TBC1D32: variants seen among roughly 807,000 people sequenced by gnomAD.
The protein encoded by TBC1D32 is protein broad-minded.
Under a neutral mutation model 170.3 loss-of-function variants are expected in TBC1D32, and 151 were observed. That is an observed-to-expected ratio of 0.89 (90% confidence interval 0.78 to 1.01). The LOEUF (loss-of-function observed/expected upper bound fraction) is 1.01, where lower values mean the gene tolerates loss of function less well. TBC1D32 is among the 50% of genes least tolerant of loss of function. TBC1D32 has a pLI of 0.00. For synonymous variants in TBC1D32, 498 were observed against 488.0 expected, an observed-to-expected ratio of 1.02 and a Z score of -0.27; for missense variants, 1,464 against 1,457.1, an observed-to-expected ratio of 1.00 and a Z score of -0.08.
At chr6:121,248,396 C>T (rs986082623) in intron 17 of TBC1D32, among the ~76,000 whole-genome samples, 1 of 151,862 alleles carries the variant, frequency 6.6e-6, no homozygotes, top group African/African-American at 2.4e-5. Context: ...CCTAATGTCA[C>T]ACCTCAAGGA....
Position 121,087,672 on chromosome 6 carries a change from C to A in TBC1D32, c.3654+3181G>T, listed in dbSNP as rs547306987. Among the ~76,000 whole-genome samples, 12 of 152,260 alleles carry A rather than the reference C, an allele frequency of 7.9e-5. No individual in the cohort carries two copies. In the East Asian group the frequency reaches 2.3e-3, roughly 29 times the overall value. On this transcript the variant is annotated intron_variant, in intron 31 of 31. Transcript: ENST00000398212. ...TCTGTTAGGCCCGATTATTTGAACT[C>A]ATTTATAACAGTCAGATGCTTGATC...
intron 22 of TBC1D32, among the ~76,000 whole-genome samples, chr6:121,191,345 G>A (rs1354272301): frequency 6.6e-6 from 1 of 152,136 alleles, no homozygotes; most frequent in African/African-American, 2.4e-5. Context: ...TCAAAATCAA[G>A]AGAAGAACAT....
intron 24 of TBC1D32, among the ~76,000 whole-genome samples, chr6:121,156,396 G>T (rs1040542236): frequency 6.6e-6 from 1 of 151,182 alleles, no homozygotes; most frequent in South Asian, 2.1e-4. Context: ...TGCTTATTTG[G>T]ATCTTCTTTT....
intron 22 of TBC1D32, among the ~76,000 whole-genome samples, chr6:121,187,426 G>A (rs1028321061): frequency 6.6e-6 from 1 of 152,104 alleles, no homozygotes; most frequent in South Asian, 2.1e-4. Flanking sequence ...AGTACCTCTG[G>A]AATGTTGTAA....
chr6:121,091,026 T>A lies in TBC1D32; in HGVS notation c.3481A>T (p.Ile1161Leu), dbSNP rs776487629. 4.4e-6 allele frequency: 7 copies of A among 1,591,702 alleles called. No homozygotes were observed. Among genetic ancestry groups the A allele is most frequent in the Non-Finnish European group, 4.3e-6 (5 of 1,175,222 alleles). ...AAGTAATTCCAAAAACACTGGGTTA[T>A]CCATTGCAGGCAAATCTTTAAAAAA... Reference protein sequence around the residue: ...FAPSQICLQWITQCFWNYLDW... With the variant: ...FAPSQICLQWLTQCFWNYLDW... Residue 1161 changes from isoleucine to leucine, a missense_variant, in exon 31 of 32, where the codon ATA becomes TTA. Physicochemically the swap from Ile to Leu is conservative, Grantham distance 5 (BLOSUM62 2). This residue lies in a region of TBC1D32 where 4 missense variants were observed against 17.0 expected (regional missense o/e 0.24). Transcript: ENST00000398212.
At chr6:121,307,930 G>A (rs369560089) in intron 5 of TBC1D32, 46 bp downstream of exon 5, 54 of 1,564,360 alleles carry the variant, frequency 3.5e-5, no homozygotes, top group Non-Finnish European at 4.3e-5. Context: ...TTCCAGAATG[G>A]TGGGAAAACA....
intron 30 of TBC1D32, among the ~76,000 whole-genome samples, chr6:121,101,908 T>C (rs991098984): frequency 2.0e-5 from 3 of 152,070 alleles, no homozygotes; most frequent in Admixed American, 6.6e-5. Context: ...TACAAAATCA[T>C]TGTACAAAAA....
intron 31 of TBC1D32, among the ~76,000 whole-genome samples, chr6:121,082,599 G>A (rs915587586): frequency 1.3e-5 from 2 of 151,858 alleles, no homozygotes; most frequent in African/African-American, 2.4e-5. Flanking sequence ...CATTAAATAC[G>A]AATTATAATA....
intron 26 of TBC1D32, among the ~76,000 whole-genome samples, chr6:121,125,559 C>CG (rs148213192): frequency 0.015 from 2,204 of 151,476 alleles, 35 homozygotes; most frequent in African/African-American, 0.043. Flanking sequence ...TCAGTTGCAA[C>CG]GGGGGGGTCA....
intron 21 of TBC1D32, among the ~76,000 whole-genome samples, chr6:121,213,467 A>AAC (rs200847552): frequency 0.46 from 19,800 of 43,002 alleles, 3,307 homozygotes; most frequent in Non-Finnish European, 0.55. Flanking sequence ...CAAAAATAAT[A>AAC]ATAAAATAAA....
At chr6:121,231,289 G>T (rs977303395) in intron 20 of TBC1D32, among the ~76,000 whole-genome samples, 2 of 152,048 alleles carry the variant, frequency 1.3e-5, no homozygotes, top group East Asian at 1.9e-4. Context: ...GTATTCCATG[G>T]TATACATATA....
At chr6:121,183,857 A>G (rs1365354111) in intron 22 of TBC1D32, among the ~76,000 whole-genome samples, 1 of 152,050 alleles carries the variant, frequency 6.6e-6, no homozygotes, top group Non-Finnish European at 1.5e-5. Context: ...TACCCATATG[A>G]TTTTATGGCT....
intron 19 of TBC1D32, 37 bp downstream of exon 19, chr6:121,241,427 TA>T: frequency 6.5e-7 from 1 of 1,544,478 alleles, no homozygotes. Context: ...ATTTTATCTT[TA>T]AAATAATTAT....
intron 24 of TBC1D32, among the ~76,000 whole-genome samples, chr6:121,151,744 A>G (rs1035125812): frequency 6.6e-6 from 1 of 152,054 alleles, no homozygotes; most frequent in Non-Finnish European, 1.5e-5. Flanking sequence ...TGATTCCTTC[A>G]CCATTATGTA....
chr6:121,278,694 T>C (rs1802558984), intron 15 of TBC1D32, among the ~76,000 whole-genome samples: 1 of 152,116 alleles, frequency 6.6e-6, no homozygotes, highest in Admixed American at 6.6e-5. Flanking sequence ...TAAAATATAA[T>C]ACCATTTTTG....
At chr6:121,325,138 G>C (rs1810279302) in intron 1 of TBC1D32, among the ~76,000 whole-genome samples, 1 of 151,654 alleles carries the variant, frequency 6.6e-6, no homozygotes, top group Admixed American at 6.6e-5. Context: ...CTTGAGCCCA[G>C]GAGGTGGAAG....
At chr6:121,095,026 GTCTT>G (rs1433084397) in intron 30 of TBC1D32, among the ~76,000 whole-genome samples, 1 of 152,034 alleles carries the variant, frequency 6.6e-6, no homozygotes, top group Non-Finnish European at 1.5e-5. Context: ...GATCAGTTGA[GTCTT>G]TATATTCACT....
chr6:121,085,666 C>T (rs922624298), intron 31 of TBC1D32, among the ~76,000 whole-genome samples: 1 of 151,890 alleles, frequency 6.6e-6, no homozygotes, highest in African/African-American at 2.4e-5. Context: ...TTTAACAGGT[C>T]TGGGAAGGAA....
chr6:121,188,818 C>T (rs1001035282), intron 22 of TBC1D32, among the ~76,000 whole-genome samples: 2 of 151,990 alleles, frequency 1.3e-5, no homozygotes, highest in African/African-American at 4.8e-5. Flanking sequence ...TCACACAGAC[C>T]ATGAACTATT....
Sources: allele counts gnomAD v4.1 joint callset (sites outside exome capture counted in the v4.1 genomes callset), GRCh38; gene constraint gnomAD v4.1.1; regional missense constraint gnomAD v4.1.1; transcripts MANE v1.5; gene names NCBI Gene and HGNC (gene_info 2026-07-23, HGNC 2026-07-21).